The following AVEN variants were observed in gnomAD, a reference collection of about 807,000 sequenced individuals.
AVEN encodes the protein apoptosis and caspase activation inhibitor, also known as cell death regulator Aven.
A neutral mutation model predicts 38.1 loss-of-function variants in AVEN; 41 were observed. The ratio of observed to expected loss-of-function variants is 1.08; its 90% confidence interval spans 0.84 to 1.40. The LOEUF is 1.40. Among genes scored for constraint, AVEN ranks in the 40% most tolerant of loss-of-function variants. AVEN has a pLI of 0.00. For synonymous variants in AVEN, 206 were observed against 171.8 expected (o/e 1.20, Z -1.56); for missense variants, 605 against 438.8 (o/e 1.38, Z -3.38).
At chr15:33,856,532 C>T (rs1399155994), downstream of AVEN, 1 of 152,316 alleles carries the variant, frequency 6.6e-6, no homozygotes, top group Non-Finnish European at 1.5e-5. Flanking sequence ...AAGTGTGACT[C>T]AGCTCCACCA....
At chr15:34,052,052 A>G (rs1244592108) in intron 5 of AVEN, among the ~76,000 whole-genome samples, 1 of 152,168 alleles carries the variant, frequency 6.6e-6, no homozygotes, top group Non-Finnish European at 1.5e-5. Context: ...AAAAAAAGAA[A>G]ACTTCAGGCC....
intron 2 of AVEN, among the ~76,000 whole-genome samples, chr15:33,925,667 G>A (rs1355460389): frequency 1.3e-5 from 2 of 152,198 alleles, no homozygotes; most frequent in African/African-American, 4.8e-5. Context: ...TGTAGTGAAT[G>A]AGGTGCATTA....
At chr15:34,014,611 T>C (rs1433484198) in intron 1 of AVEN, among the ~76,000 whole-genome samples, 1 of 152,126 alleles carries the variant, frequency 6.6e-6, no homozygotes, top group East Asian at 1.9e-4. Context: ...GGTACCAGTG[T>C]CTGTGAGAGG....
downstream of AVEN, chr15:33,864,305 T>C (rs28520400): frequency 1.8e-3 from 1,384 of 770,706 alleles, 13 homozygotes; most frequent in African/African-American, 0.022. Context: ...CGTGAATGCA[T>C]TTTCCCATCA....
chr15:34,063,716 A>G lies in AVEN; in HGVS notation n.1127-284T>C. ...ACAAGAGTCAGGGTAAGGAAAGCCC[A>G]GGGGAAGAATTCAGTGCTGAAGAGA... is the stretch of plus-strand genomic sequence containing the variant. On this transcript the variant is annotated intron_variant and non_coding_transcript_variant, in intron 4 of 11. Transcript: ENST00000675287. The surrounding 1 kb of genome is among the most constrained non-coding windows in gnomAD (Gnocchi z 4.1). The G allele has an allele frequency of 6.2e-7, 1 of 1,614,236 alleles. No homozygotes were observed. The highest frequency in any genetic ancestry group is 2.2e-5 in the East Asian group (1 of 44,878).
downstream of AVEN, among the ~76,000 whole-genome samples, chr15:33,863,587 C>G (rs1031245919): frequency 1.3e-5 from 2 of 152,144 alleles, no homozygotes; most frequent in African/African-American, 4.8e-5. Context: ...CACAGACAAA[C>G]TCAAACCTAA....
intron 2 of AVEN, among the ~76,000 whole-genome samples, chr15:33,893,695 G>A (rs1233113462): frequency 1.3e-5 from 2 of 152,198 alleles, no homozygotes; most frequent in Non-Finnish European, 2.9e-5. Flanking sequence ...CTAGCAAAGT[G>A]AACTCTACCT....
chr15:33,904,654 C>A (rs1286340590), intron 2 of AVEN, among the ~76,000 whole-genome samples: 1 of 148,442 alleles, frequency 6.7e-6, no homozygotes, highest in Admixed American at 6.8e-5. Flanking sequence ...CTCAGGTAAT[C>A]CACCTGCCTT....
At chr15:33,898,379 A>T (rs1052720222) in intron 2 of AVEN, among the ~76,000 whole-genome samples, 109 of 152,284 alleles carry the variant, frequency 7.2e-4, no homozygotes, top group African/African-American at 2.2e-3. Flanking sequence ...AAACAACAGA[A>T]ACTTATTCTC....
chr15:34,024,450 G>A (rs1183590578), intron 1 of AVEN, among the ~76,000 whole-genome samples: 2 of 143,572 alleles, frequency 1.4e-5, no homozygotes, highest in Non-Finnish European at 3.0e-5. Context: ...TCCAGCCTGG[G>A]CAACAGAATG....
downstream of AVEN, among the ~76,000 whole-genome samples, chr15:33,862,054 T>C (rs1888438683): frequency 2.0e-5 from 3 of 152,188 alleles, no homozygotes; most frequent in Non-Finnish European, 4.4e-5. Context: ...GCTAGGGACT[T>C]CCTATAAAAC....
At chr15:34,073,519 C>CTTTTTTTTTTTTTTT (rs10617421) in intron 1 of AVEN, among the ~76,000 whole-genome samples, 4 of 88,504 alleles carry the variant, frequency 4.5e-5, no homozygotes, top group Admixed American at 1.3e-4. Flanking sequence ...TTTCTTTTTT[C>CTTTTTTTTTTTTTTT]TTTTTTTTTT....
chr15:34,063,496 C>T lies in AVEN; in HGVS notation n.1127-64G>A, dbSNP rs1470076996. 6.2e-7 allele frequency: 1 copy of T among 1,613,876 alleles called. No individual in the cohort carries two copies. Among genetic ancestry groups the T allele is most frequent in the Non-Finnish European group, 8.5e-7 (1 of 1,180,038 alleles). ...TCCTGCTTGCGCTGTCCTCGACCCA[C>T]CCTGGCCCAGCGGGAAAGGAACCAG... On this transcript the variant is annotated intron_variant and non_coding_transcript_variant, in intron 4 of 11. Transcript: ENST00000675287. This position sits in a 1 kb window ranked among gnomAD's most constrained non-coding sequence, Gnocchi z 4.1.
intron 1 of AVEN, among the ~76,000 whole-genome samples, chr15:34,035,852 T>G (rs1421173312): frequency 3.3e-5 from 5 of 152,158 alleles, no homozygotes; most frequent in Non-Finnish European, 7.4e-5. Context: ...TGGAGTGCAG[T>G]GGCAGGATCA....
chr15:33,975,790 C>G (rs1250536479), intron 2 of AVEN, among the ~76,000 whole-genome samples: 1 of 152,084 alleles, frequency 6.6e-6, no homozygotes, highest in Non-Finnish European at 1.5e-5. Flanking sequence ...ATTAGCCGGG[C>G]GTGGTGGCAC....
At chr15:33,933,524 C>CACACAGAG (rs1893945145) in intron 2 of AVEN, among the ~76,000 whole-genome samples, 7 of 46,584 alleles carry the variant, frequency 1.5e-4, no homozygotes, top group Non-Finnish European at 1.3e-4. Flanking sequence ...CACACACACA[C>CACACAGAG]AGAGAGAGAG....
chr15:33,864,560 CAT>C (rs1225595943), downstream of AVEN, among the ~76,000 whole-genome samples: 1 of 151,082 alleles, frequency 6.6e-6, no homozygotes, highest in Non-Finnish European at 1.5e-5. Context: ...ATAACGACCT[CAT>C]GTGTGGGTGA....
chr15:33,921,674 A>G lies in AVEN; in HGVS notation c.446-45679T>C, dbSNP rs994324134. ...ACAAGAATATTTAGAAAACAATGAC[A>G]TCATGAGGGTTTGAGCATCAGAAAG... On this transcript the variant is annotated intron_variant, in intron 2 of 5. Transcript: ENST00000306730. Among the ~76,000 whole-genome samples the G allele has an allele frequency of 4.6e-5, 7 of 152,334 alleles. No homozygotes were observed. The South Asian group carries it at 1.2e-3, about 27-fold the overall frequency.
At chr15:34,029,004 T>C (rs12898898) in intron 1 of AVEN, among the ~76,000 whole-genome samples, 23,152 of 152,176 alleles carry the variant, frequency 0.15, 2,114 homozygotes, top group Middle Eastern at 0.28. Context: ...ATTTACTACC[T>C]TGAAATAACA....
Sources: gnomAD v4.1 joint callset for allele counts (sites outside exome capture counted in the v4.1 genomes callset) on GRCh38, gnomAD v4.1.1 for gene constraint, Gnocchi (gnomAD v3.1) non-coding constraint, MANE v1.5 for transcripts, NCBI Gene and HGNC (gene_info 2026-07-23, HGNC 2026-07-21) for gene names.